Variants in NWD2 observed in about 807,000 individuals in gnomAD.
NWD2 encodes the protein NACHT and WD repeat domain containing 2.
NWD2 carries 37 observed loss-of-function variants against 132.7 expected under a neutral mutation model. The observed-to-expected ratio is 0.28, with a 90% CI of 0.21 to 0.37. The LOEUF is 0.37. Among genes scored for constraint, NWD2 ranks in the 10% least tolerant of loss-of-function variants. The probability of loss-of-function intolerance (pLI) is 1.00; values close to 1 mark genes in which losing one functional copy is unlikely to be tolerated. For missense variants in NWD2, 1,592 were observed against 2,122.4 expected, an observed-to-expected ratio of 0.75 and a Z score of 4.91; for synonymous variants, 705 against 803.0, an observed-to-expected ratio of 0.88 and a Z score of 2.06.
intron 2 of NWD2, among the ~76,000 whole-genome samples, chr4:37,351,988 T>G (rs781181920): frequency 5.3e-5 from 8 of 152,224 alleles, no homozygotes; most frequent in Non-Finnish European, 1.2e-4. Flanking sequence ...TTGTGCGGTT[T>G]TGAGTGAGTT....
intron 2 of NWD2, among the ~76,000 whole-genome samples, chr4:37,327,917 C>T (rs937743660): frequency 6.6e-6 from 1 of 152,044 alleles, no homozygotes; most frequent in Non-Finnish European, 1.5e-5. Context: ...TCAAACATAC[C>T]GGTCTACTTC....
chr4:37,390,712 G>T (rs1327877622), intron 3 of NWD2, among the ~76,000 whole-genome samples: 1 of 152,174 alleles, frequency 6.6e-6, no homozygotes, highest in Non-Finnish European at 1.5e-5. Context: ...TTAGTTTTGT[G>T]CATGAGAGAA....
intron 3 of NWD2, among the ~76,000 whole-genome samples, chr4:37,416,369 A>G (rs1423130511): frequency 1.3e-5 from 2 of 152,098 alleles, no homozygotes; most frequent in Non-Finnish European, 2.9e-5. Context: ...ATATATAAAT[A>G]TACATTGGTA....
intron 2 of NWD2, among the ~76,000 whole-genome samples, chr4:37,332,544 G>C (rs1260417124): frequency 6.6e-6 from 1 of 151,500 alleles, no homozygotes; most frequent in Non-Finnish European, 1.5e-5. Flanking sequence ...GTTCAGTAAG[G>C]CACCAAGGAC....
At chr4:37,407,075 G>A (rs568174792) in intron 3 of NWD2, among the ~76,000 whole-genome samples, 9 of 152,160 alleles carry the variant, frequency 5.9e-5, no homozygotes, top group African/African-American at 1.9e-4. Context: ...CAGCAGGGTG[G>A]GGGGCTAGGG....
At chr4:37,303,952 A>G (rs2109277609) in intron 1 of NWD2, among the ~76,000 whole-genome samples, 1 of 152,320 alleles carries the variant, frequency 6.6e-6, no homozygotes, top group South Asian at 2.1e-4. Flanking sequence ...AATGCCTCTG[A>G]CTAGGACTTT....
chr4:37,337,883 G>A (rs532471491), intron 2 of NWD2, among the ~76,000 whole-genome samples: 2 of 151,904 alleles, frequency 1.3e-5, no homozygotes, highest in East Asian at 3.9e-4. Context: ...CTACTTCCCT[G>A]TCTTCAAGAC....
chr4:37,283,601 G>C (rs1442366984), intron 1 of NWD2, among the ~76,000 whole-genome samples: 1 of 152,096 alleles, frequency 6.6e-6, no homozygotes, highest in Non-Finnish European at 1.5e-5. Flanking sequence ...ACTCTTAACA[G>C]GGTAAGACCC....
chr4:37,326,894 C>T (rs930487752), intron 2 of NWD2, among the ~76,000 whole-genome samples: 2 of 152,126 alleles, frequency 1.3e-5, no homozygotes, highest in African/African-American at 4.8e-5. Flanking sequence ...TCTTGATATA[C>T]TCCTGATGCC....
chr4:37,262,206 T>A (rs1173040734), intron 1 of NWD2, among the ~76,000 whole-genome samples: 1 of 152,196 alleles, frequency 6.6e-6, no homozygotes, highest in Admixed American at 6.5e-5. Context: ...GTTATCTCAT[T>A]GTAATTCATA....
At chr4:37,337,967 A>G (rs1472399778) in intron 2 of NWD2, among the ~76,000 whole-genome samples, 1 of 152,128 alleles carries the variant, frequency 6.6e-6, no homozygotes, top group East Asian at 1.9e-4. Flanking sequence ...TGGTTGACTC[A>G]TCTGCCACAG....
chr4:37,370,864 C>G (rs1186489500), intron 3 of NWD2, among the ~76,000 whole-genome samples: 1 of 151,968 alleles, frequency 6.6e-6, no homozygotes, highest in East Asian at 1.9e-4. Context: ...AAGAACAAGC[C>G]TACAGACTAA....
intron 3 of NWD2, among the ~76,000 whole-genome samples, chr4:37,383,817 C>A (rs1311930053): frequency 6.6e-6 from 1 of 152,080 alleles, no homozygotes; most frequent in African/African-American, 2.4e-5. Flanking sequence ...GGTTTTTGCG[C>A]CCTCTAGAGG....
At chr4:37,356,295 C>A in intron 2 of NWD2, 71 bp from the exon 3 acceptor site, 1 of 772,900 alleles carries the variant, frequency 1.3e-6, no homozygotes, top group Non-Finnish European at 2.0e-6. Flanking sequence ...TTAAAAGTCA[C>A]ATTAGCTTGA....
At chr4:37,346,081 CAA>C (rs1198830447) in intron 2 of NWD2, among the ~76,000 whole-genome samples, 21 of 92,144 alleles carry the variant, frequency 2.3e-4, no homozygotes, top group South Asian at 4.0e-4. Flanking sequence ...TACTCTGTCT[CAA>C]AAAAAAAAAA....
chr4:37,314,184 A>C (rs987947861), intron 1 of NWD2, among the ~76,000 whole-genome samples: 1 of 152,218 alleles, frequency 6.6e-6, no homozygotes, highest in Non-Finnish European at 1.5e-5. Context: ...AGCTAGACTT[A>C]GTTTACTAAT....
At chr4:37,324,911 G>C (rs2109287327) in intron 1 of NWD2, among the ~76,000 whole-genome samples, 1 of 152,254 alleles carries the variant, frequency 6.6e-6, no homozygotes, top group South Asian at 2.1e-4. Flanking sequence ...GAATAATAAG[G>C]AAATTCTTTT....
At chr4:37,379,359 T>C (rs1004291886) in intron 3 of NWD2, among the ~76,000 whole-genome samples, 10 of 129,408 alleles carry the variant, frequency 7.7e-5, no homozygotes, top group African/African-American at 2.5e-4. Flanking sequence ...TACTGTTGTC[T>C]GCACTTCACA....
At chr4:37,383,174 G>C (rs570206473) in intron 3 of NWD2, among the ~76,000 whole-genome samples, 2 of 152,132 alleles carry the variant, frequency 1.3e-5, no homozygotes, top group Non-Finnish European at 2.9e-5. Flanking sequence ...AGGAAGACCC[G>C]AGAATTTCTG....
Sources: gnomAD v4.1 joint callset for allele counts (sites outside exome capture counted in the v4.1 genomes callset) on GRCh38, gnomAD v4.1.1 for gene constraint, MANE v1.5 for transcripts, NCBI Gene and HGNC (gene_info 2026-07-23, HGNC 2026-07-21) for gene names.